DPH6: variants seen among roughly 807,000 people sequenced by gnomAD.
DPH6 encodes diphthine--ammonia ligase.
Under a neutral mutation model 38.2 loss-of-function variants are expected in DPH6, and 33 were observed. The ratio of observed to expected loss-of-function variants is 0.86; its 90% CI spans 0.65 to 1.15. The LOEUF (loss-of-function observed/expected upper bound fraction) is 1.15, where lower values mean the gene tolerates loss of function less well. Among genes scored for constraint, DPH6 ranks in the 50% most tolerant of loss-of-function variants. The probability of loss-of-function intolerance (pLI) is 0.00; values close to 1 mark genes in which losing one functional copy is unlikely to be tolerated. For missense variants in DPH6, 325 were observed against 320.0 expected (o/e 1.02, Z -0.12); for synonymous variants, 108 against 103.0 (o/e 1.05, Z -0.30).
intron 3 of DPH6, among the ~76,000 whole-genome samples, chr15:35,500,888 C>T (rs1325708028): frequency 6.6e-6 from 1 of 151,986 alleles, no homozygotes; most frequent in East Asian, 1.9e-4. Flanking sequence ...TTACAGGCAC[C>T]TGCCACCACG....
Position 35,462,704 on chromosome 15 carries a change from C to T in DPH6, c.313-7884G>A, listed in dbSNP as rs144687934. Reference sequence around the variant, plus strand: ...CCTTGCCCTGGCTTTATTTTCTTCACAGTACTACCTAAAATTATATCATTT... The same window carrying T: ...CCTTGCCCTGGCTTTATTTTCTTCATAGTACTACCTAAAATTATATCATTT... On this transcript the variant is annotated intron_variant, in intron 3 of 8. Coordinates refer to ENST00000256538, the MANE Select transcript of DPH6 (RefSeq NM_080650.4). 1.2e-4 allele frequency among the ~76,000 whole-genome samples: 19 copies of T among 152,300 alleles called. 1 individual carries two copies. Among genetic ancestry groups the T allele is most frequent in the African/African-American group, 3.6e-4 (15 of 41,568 alleles).
chr15:35,422,142 A>G (rs2053513962), intron 5 of DPH6, among the ~76,000 whole-genome samples: 1 of 151,896 alleles, frequency 6.6e-6, no homozygotes, highest in African/African-American at 2.4e-5. Context: ...AACCAAATAG[A>G]TGAAGGTTTG....
At chr15:35,381,499 A>C (rs1272741253) in intron 7 of DPH6, among the ~76,000 whole-genome samples, 2 of 152,228 alleles carry the variant, frequency 1.3e-5, no homozygotes, top group Non-Finnish European at 2.9e-5. Context: ...GCTGTAATGA[A>C]AGATAAATAA....
At chr15:35,507,105 A>G (rs1001769636) in intron 3 of DPH6, among the ~76,000 whole-genome samples, 4 of 150,336 alleles carry the variant, frequency 2.7e-5, no homozygotes, top group African/African-American at 1.0e-4. Context: ...ACAGACTTTG[A>G]TCTATATTTA....
At chr15:35,454,180 A>C (rs1255341335) in intron 4 of DPH6, among the ~76,000 whole-genome samples, 3 of 152,154 alleles carry the variant, frequency 2.0e-5, no homozygotes, top group African/African-American at 7.2e-5. Context: ...GTGCAGTTAC[A>C]GACTAAATGC....
chr15:35,504,069 A>G (rs2054662438), intron 3 of DPH6, among the ~76,000 whole-genome samples: 1 of 152,038 alleles, frequency 6.6e-6, no homozygotes, highest in South Asian at 2.1e-4. Flanking sequence ...CAAGATCTCA[A>G]AAGACCTAGC....
chr15:35,450,897 G>T, intron 4 of DPH6, 94 bp from the exon 5 acceptor site: 1 of 991,330 alleles, frequency 1.0e-6, no homozygotes, highest in South Asian at 1.7e-5. Context: ...ATAATGCTTC[G>T]TTCAAGGATT....
intron 3 of DPH6, among the ~76,000 whole-genome samples, chr15:35,266,486 A>T (rs959505350): frequency 6.6e-6 from 1 of 152,214 alleles, no homozygotes; most frequent in East Asian, 1.9e-4. Flanking sequence ...CAGGGACTAA[A>T]CTTTCAATTT....
At chr15:35,390,604 G>A (rs144618196) in intron 6 of DPH6, among the ~76,000 whole-genome samples, 2,135 of 151,822 alleles carry the variant, frequency 0.014, 19 homozygotes, top group African/African-American at 0.023. Context: ...GTCTTCCATC[G>A]CTGATACCTT....
intron 3 of DPH6, chr15:35,490,330 C>T (rs1235994498): frequency 3.4e-6 from 1 of 297,278 alleles, no homozygotes; most frequent in Non-Finnish European, 5.0e-6. Context: ...CTATACTCCA[C>T]CAATATAAAA....
At chr15:35,380,541 C>T (rs1437156376) in intron 7 of DPH6, among the ~76,000 whole-genome samples, 1 of 152,002 alleles carries the variant, frequency 6.6e-6, no homozygotes, top group Admixed American at 6.6e-5. Context: ...CCACTTATTG[C>T]TGTGCTTTTT....
intron 5 of DPH6, among the ~76,000 whole-genome samples, chr15:35,448,536 C>T (rs1175745631): frequency 6.6e-6 from 1 of 151,960 alleles, no homozygotes; most frequent in Non-Finnish European, 1.5e-5. Flanking sequence ...ATCAGGGCTT[C>T]CTGAAAAAAA....
chr15:35,529,700 C>G (rs530218198), intron 3 of DPH6, among the ~76,000 whole-genome samples: 1 of 152,176 alleles, frequency 6.6e-6, no homozygotes, highest in East Asian at 1.9e-4. Context: ...CTTTCCAATA[C>G]TGGTACATTA....
intron 3 of DPH6, among the ~76,000 whole-genome samples, chr15:35,507,687 G>T (rs572676263): frequency 2.6e-5 from 4 of 152,022 alleles, no homozygotes; most frequent in African/African-American, 9.6e-5. Context: ...TTAAGAACTC[G>T]CTATCCAGTG....
chr15:35,465,818 T>C (rs1460757218), intron 3 of DPH6, among the ~76,000 whole-genome samples: 1 of 152,148 alleles, frequency 6.6e-6, no homozygotes, highest in Non-Finnish European at 1.5e-5. Context: ...GGGGAAAAAG[T>C]TGTTAAGGCT....
At position 35,484,562 on chromosome 15, in the gene DPH6, T is replaced by C. The variant is rs139413535; in HGVS notation, c.313-29742A>G. On this transcript the variant is annotated intron_variant, in intron 3 of 8. Coordinates refer to ENST00000256538, the MANE Select transcript of DPH6 (RefSeq NM_080650.4). ...TAGCCAGAGGCCTCCCTCAGTTTCT[T>C]GCCATGTGGACCCCTCCATCGGGAA... 5.8e-4 allele frequency among the ~76,000 whole-genome samples: 88 copies of C among 152,356 alleles called. 1 individual carries two copies. Among genetic ancestry groups the C allele is most frequent in the African/African-American group, 1.8e-3 (76 of 41,588 alleles).
Position 35,454,791 on chromosome 15 carries a change from T to TA in DPH6, c.341dup (p.Gly115ArgfsTer6). 1 of 1,608,226 alleles carries TA rather than the reference T, an allele frequency of 6.2e-7. No individual in the cohort carries two copies. Among genetic ancestry groups the TA allele is most frequent in the Non-Finnish European group, 8.5e-7 (1 of 1,177,800 alleles). ...GCTGATAGTCAGAAAGTATAGCACC[T>TA]ACTGATATCCCCTCTACTTCTTCTT... On this transcript the variant is annotated frameshift_variant, in exon 4 of 9. Coordinates refer to ENST00000256538, the MANE Select transcript of DPH6 (RefSeq NM_080650.4). LOFTEE classifies it high-confidence loss of function.
chr15:35,411,549 G>A (rs1241819319), intron 5 of DPH6, among the ~76,000 whole-genome samples: 3 of 151,600 alleles, frequency 2.0e-5, no homozygotes, highest in Non-Finnish European at 4.4e-5. Context: ...TGACATAACA[G>A]TAGAGTTTAT....
intron 5 of DPH6, among the ~76,000 whole-genome samples, chr15:35,435,424 G>A (rs191567843): frequency 1.4e-4 from 22 of 152,320 alleles, no homozygotes; most frequent in African/African-American, 5.3e-4. Flanking sequence ...GCAGAAAAGG[G>A]AACCTGCACA....
Sources: gnomAD v4.1 joint callset for allele counts (sites outside exome capture counted in the v4.1 genomes callset) on GRCh38, gnomAD v4.1.1 for gene constraint, MANE v1.5 for transcripts, NCBI Gene and HGNC (gene_info 2026-07-23, HGNC 2026-07-21) for gene names.